The following TMEFF2 variants were observed in gnomAD, a reference collection of about 807,000 sequenced individuals.
The protein encoded by TMEFF2 is transmembrane protein with EGF like and two follistatin like domains 2.
TMEFF2 carries 28 observed loss-of-function variants against 53.8 expected under a neutral mutation model. That is an observed-to-expected ratio of 0.52 (90% CI 0.39 to 0.71). The LOEUF is 0.71. Among genes scored for constraint, TMEFF2 ranks in the 30% least tolerant of loss-of-function variants. The pLI, the probability that TMEFF2 is intolerant of heterozygous loss-of-function variation, is 0.00. For synonymous variants in TMEFF2, 162 were observed against 166.3 expected (o/e 0.97, Z 0.20); for missense variants, 353 against 455.2 (o/e 0.78, Z 2.04).
At chr2:191,977,289 C>A (rs1180293686) in intron 7 of TMEFF2, among the ~76,000 whole-genome samples, 1 of 152,190 alleles carries the variant, frequency 6.6e-6, no homozygotes, top group Non-Finnish European at 1.5e-5. Flanking sequence ...GTGGTCCATG[C>A]CATAGGAGCT....
chr2:192,070,599 G>T (rs539167411), intron 4 of TMEFF2, among the ~76,000 whole-genome samples: 1 of 151,934 alleles, frequency 6.6e-6, no homozygotes, highest in East Asian at 1.9e-4. Context: ...CTCTTGGCAT[G>T]TTTCTTATGC....
intron 7 of TMEFF2, among the ~76,000 whole-genome samples, chr2:191,990,416 A>AGTGT (rs55848067): frequency 6.5e-4 from 96 of 147,344 alleles, no homozygotes; most frequent in African/African-American, 1.8e-3. Context: ...TGCTCAGAAT[A>AGTGT]GTGTGTGTGT....
chr2:192,108,944 CAT>C (rs949410457), intron 4 of TMEFF2, among the ~76,000 whole-genome samples: 4 of 151,936 alleles, frequency 2.6e-5, no homozygotes, highest in African/African-American at 9.7e-5. Context: ...CACAAAAAGA[CAT>C]ATAGTTCACG....
chr2:192,142,354 T>C (rs1690157722), intron 4 of TMEFF2, among the ~76,000 whole-genome samples: 1 of 152,138 alleles, frequency 6.6e-6, no homozygotes, highest in Non-Finnish European at 1.5e-5. Flanking sequence ...TTTTTCAACA[T>C]TGAAGATGAC....
intron 5 of TMEFF2, chr2:192,028,855 T>C (rs1687043104): frequency 6.6e-6 from 1 of 152,128 alleles, no homozygotes; most frequent in South Asian, 2.1e-4. Context: ...TAAAAATGAA[T>C]GGTAAAATTA....
At chr2:192,170,986 T>A (rs777258187) in intron 4 of TMEFF2, among the ~76,000 whole-genome samples, 12 of 152,126 alleles carry the variant, frequency 7.9e-5, no homozygotes, top group Non-Finnish European at 1.3e-4. Flanking sequence ...TCCTATAATA[T>A]GTATTGTTCA....
chr2:191,975,606 G>T (rs4371301), intron 7 of TMEFF2, among the ~76,000 whole-genome samples: 118,050 of 151,694 alleles, frequency 0.78, 46,032 homozygotes, highest in East Asian at 0.94. Context: ...TTCTTTAGTA[G>T]TTTTATTTTT....
chr2:191,950,163 A>G lies in TMEFF2; in HGVS notation c.*148T>C. On this transcript the variant is annotated 3_prime_UTR_variant, in exon 10 of 10. Transcript: ENST00000272771. Reference sequence around the variant, plus strand: ...TTCAAATATATCCATACATAATCAAATATAGCTGTAGTACATGTTTTCATT... The same window carrying G: ...TTCAAATATATCCATACATAATCAAGTATAGCTGTAGTACATGTTTTCATT... 3 of 1,446,690 alleles carry G rather than the reference A, an allele frequency of 2.1e-6. No individual in the cohort carries two copies. The highest frequency in any genetic ancestry group is 2.7e-6 in the Non-Finnish European group (3 of 1,104,200). 89.6% of individuals were successfully genotyped at this position (1,446,690 alleles called of 1,614,324 possible).
rs547034196 is a variant in TMEFF2, at chr2:191,950,481, A to C, written c.1029-74T>G. The C allele has an allele frequency of 2.2e-4, 352 of 1,582,326 alleles. 2 individuals are homozygous for C. Among genetic ancestry groups the C allele is most frequent in the Non-Finnish European group, 2.4e-4 (275 of 1,151,202 alleles). The stretch of plus-strand genomic sequence containing the variant: ...AGTTTGGCCCTACAATCACAGAATA[A>C]AGATGTGGATTAAGCAAATTATTAA... On this transcript the variant is annotated intron_variant, in intron 9 of 9. Coordinates refer to ENST00000272771, the MANE Select transcript of TMEFF2 (RefSeq NM_016192.4).
chr2:192,054,061 C>T (rs1176521280), intron 5 of TMEFF2, among the ~76,000 whole-genome samples: 2 of 151,960 alleles, frequency 1.3e-5, no homozygotes, highest in African/African-American at 4.8e-5. Context: ...TAATGATCTT[C>T]TTGGCTCCCT....
intron 5 of TMEFF2, among the ~76,000 whole-genome samples, chr2:192,026,241 C>T (rs1301748787): frequency 1.3e-5 from 2 of 152,156 alleles, no homozygotes; most frequent in African/African-American, 2.4e-5. Flanking sequence ...GCCAGACCTT[C>T]CTGGAGTTGC....
At chr2:192,012,452 A>C (rs1249046376) in intron 5 of TMEFF2, among the ~76,000 whole-genome samples, 4 of 152,176 alleles carry the variant, frequency 2.6e-5, no homozygotes, top group Non-Finnish European at 4.4e-5. Context: ...TAGATAGATT[A>C]TCATCACACA....
In TMEFF2 at chr2:192,042,006, G is replaced by T. The variant is rs151155340; in HGVS notation, c.536+15673C>A. Among the ~76,000 whole-genome samples the T allele has an allele frequency of 8.6e-3, 1,316 of 152,154 alleles. 23 individuals are homozygous for T. Among genetic ancestry groups the T allele is most frequent in the Middle Eastern group, 0.014 (4 of 294 alleles). On this transcript the variant is annotated intron_variant, in intron 5 of 9. Coordinates refer to ENST00000272771, the MANE Select transcript of TMEFF2 (RefSeq NM_016192.4). ...ACCTGAGGTCAGGACTTCAAGACAA[G>T]CCTGACCAACATGGTGAAAACCTGT...
At chr2:191,995,298 G>A (rs1686197338) in intron 7 of TMEFF2, among the ~76,000 whole-genome samples, 1 of 151,932 alleles carries the variant, frequency 6.6e-6, no homozygotes, top group Non-Finnish European at 1.5e-5. Flanking sequence ...AGCTCTTAAA[G>A]TAGGCTCAAA....
chr2:192,122,286 G>T (rs924212035), intron 4 of TMEFF2, among the ~76,000 whole-genome samples: 2 of 152,010 alleles, frequency 1.3e-5, no homozygotes, highest in African/African-American at 4.8e-5. Flanking sequence ...GCTAAAAAAA[G>T]GTACTTAGTA....
At chr2:192,051,764 G>C (rs939131923) in intron 5 of TMEFF2, among the ~76,000 whole-genome samples, 1 of 152,120 alleles carries the variant, frequency 6.6e-6, no homozygotes, top group Admixed American at 6.5e-5. Flanking sequence ...TAATGACAGG[G>C]AGCTTTCTCA....
intron 8 of TMEFF2, among the ~76,000 whole-genome samples, chr2:191,955,685 A>G (rs1477138814): frequency 6.6e-6 from 1 of 151,696 alleles, no homozygotes; most frequent in Non-Finnish European, 1.5e-5. Context: ...CCAGATAAAC[A>G]ACTTCTTTGT....
At chr2:192,080,731 T>C (rs1217321631) in intron 4 of TMEFF2, among the ~76,000 whole-genome samples, 1 of 152,126 alleles carries the variant, frequency 6.6e-6, no homozygotes, top group East Asian at 1.9e-4. Context: ...TATAGAGTAA[T>C]CTCTTTTCCA....
intron 7 of TMEFF2, among the ~76,000 whole-genome samples, chr2:191,992,460 C>A (rs1032482008): frequency 4.6e-5 from 7 of 152,030 alleles, no homozygotes; most frequent in Non-Finnish European, 7.4e-5. Context: ...AGCAAGCACC[C>A]TATTTACACA....
Sources: allele counts gnomAD v4.1 joint callset (sites outside exome capture counted in the v4.1 genomes callset), GRCh38; gene constraint gnomAD v4.1.1; transcripts MANE v1.5; gene names NCBI Gene and HGNC (gene_info 2026-07-23, HGNC 2026-07-21).